Variants in GTPBP6 observed in about 807,000 individuals in gnomAD.
GTPBP6 encodes the protein putative GTP-binding protein 6.
In GTPBP6, 33 loss-of-function variants were observed where a neutral mutation model predicts 28.9. The ratio of observed to expected loss-of-function variants is 1.14; its 90% CI spans 0.87 to 1.53. The LOEUF (loss-of-function observed/expected upper bound fraction) is 1.53, where lower values mean the gene tolerates loss of function less well. GTPBP6 is among the 40% of genes most tolerant of loss of function. The pLI is 0.00. For synonymous variants in GTPBP6, 231 were observed against 192.7 expected (o/e 1.20, Z -1.65); for missense variants, 507 against 408.3 (o/e 1.24, Z -2.08).
intron 4 of GTPBP6, 46 bp downstream of exon 4, chrX:314,844 C>T (rs1419064241): frequency 5.0e-5 from 20 of 399,892 alleles, no homozygotes; most frequent in Middle Eastern, 6.3e-4. Context: ...GGAGGGGTTC[C>T]GGGAGTGGAC....
chrX:307,972 T>C lies in GTPBP6; in HGVS notation c.1126-92A>G, dbSNP rs1602954970. On this transcript the variant is annotated intron_variant, in intron 7 of 9. Coordinates refer to ENST00000326153, the Ensembl canonical transcript of GTPBP6. ...GCCCAGGAGAGGGGCTCACACGAGC[T>C]CCCAACGACAGGCTGGGCATGGGAG... 9.5e-6 allele frequency: 11 copies of C among 1,154,662 alleles called. No homozygotes were observed. The East Asian group carries it at 1.1e-4, about 12-fold the overall frequency. The allele number at this position is 1,154,662 out of a possible 1,614,324, so 71.5% of individuals were successfully genotyped here.
chrX:317,683 C>T (rs1274162170), intron 1 of GTPBP6, among the ~76,000 whole-genome samples: 3 of 68,058 alleles, frequency 4.4e-5, no homozygotes, highest in African/African-American at 1.9e-4. Context: ...CGAGAACCGC[C>T]CCGGCCCACC....
chrX:307,813 G>T, exon 8 of GTPBP6: 1 of 1,554,934 alleles, frequency 6.4e-7, no homozygotes. Flanking sequence ...ACGCAGCGTG[G>T]ACAGAACGCT....
intron 6 of GTPBP6, chrX:311,928 G>A (rs780302886): frequency 2.4e-4 from 139 of 586,144 alleles, no homozygotes; most frequent in Admixed American, 1.2e-3. Context: ...TTTGGCAATG[G>A]CGTAGATGGT....
intron 4 of GTPBP6, 138 bp from the exon 5 acceptor site, chrX:314,355 T>A: frequency 1.3e-6 from 1 of 748,600 alleles, no homozygotes; most frequent in Non-Finnish European, 2.4e-6. Context: ...CCGCTCCGCG[T>A]GTAGCTCACA....
At chrX:311,742 G>A in intron 6 of GTPBP6, 115 bp from the exon 7 acceptor site, 2 of 838,502 alleles carry the variant, frequency 2.4e-6, no homozygotes, top group Non-Finnish European at 3.9e-6. Context: ...CGCACCCCGG[G>A]CTACACGGTC....
In GTPBP6 at chrX:305,105, TAGGCTGAGTTGCTG is replaced by T; in HGVS notation, c.1506_1519del (p.Ser503ArgfsTer28). On this transcript the variant is annotated frameshift_variant, in exon 10 of 10. Transcript: ENST00000326153. LOFTEE classifies it high-confidence loss of function. Reference sequence around the variant, plus strand: ...TGGAAAGAGCTTCCGGAATTTGCCGTAGGCTGAGTTGCTGATGATGACCCTCACGTCGGCCGCCC... The same window carrying T: ...TGGAAAGAGCTTCCGGAATTTGCCGTATGATGACCCTCACGTCGGCCGCCC... 1 of 1,613,338 alleles carries T rather than the reference TAGGCTGAGTTGCTG, an allele frequency of 6.2e-7. No homozygotes were observed. The highest frequency in any genetic ancestry group is 8.5e-7 in the Non-Finnish European group (1 of 1,179,494).
Position 307,354 on chromosome X carries a change from G to T in GTPBP6, c.1427+6C>A, listed in dbSNP as rs370952393. 2 of 1,611,124 alleles carry T rather than the reference G, an allele frequency of 1.2e-6. No homozygotes were observed. Among genetic ancestry groups the T allele is most frequent in the Non-Finnish European group, 1.7e-6 (2 of 1,179,312 alleles). The stretch of plus-strand genomic sequence containing the variant: ...ATCCCGTCTCCTGCCCCTGCAGGCC[G>T]CTCACCTGAGCTGCGCCCCTGCGAG... On this transcript the variant is annotated splice_donor_region_variant and intron_variant, in intron 9 of 9. Coordinates refer to ENST00000326153, the Ensembl canonical transcript of GTPBP6.
chrX:312,982 G>C (rs2070345536), intron 5 of GTPBP6, 58 bp from the exon 6 acceptor site: 2 of 1,510,048 alleles, frequency 1.3e-6, no homozygotes, highest in African/African-American at 2.8e-5. Flanking sequence ...CACAAGTGCG[G>C]GCGGTGCCGC....
At chrX:316,171 G>GACAC (rs1254010873) in intron 2 of GTPBP6, among the ~76,000 whole-genome samples, 10 of 9,226 alleles carry the variant, frequency 1.1e-3, no homozygotes, top group Admixed American at 2.7e-3. Context: ...GACAGGGACA[G>GACAC]ACACACACAC....
chrX:314,279 GAGGTGA>G, intron 4 of GTPBP6, 62 bp from the exon 5 acceptor site: 5 of 1,386,984 alleles, frequency 3.6e-6, no homozygotes, highest in Non-Finnish European at 5.1e-6. Context: ...GGCAGAGGTC[GAGGTGA>G]AGGTGAAGGG....
chrX:307,787 C>T lies in GTPBP6; in HGVS notation c.1219G>A (p.Ala407Thr), dbSNP rs375570925. 50 of 1,540,576 alleles carry T rather than the reference C, an allele frequency of 3.2e-5. No individual in the cohort carries two copies. The African/African-American group carries it at 5.2e-4, about 16-fold the overall frequency. The change falls in exon 8 of 10, where the codon GCC (alanine) becomes ACC (threonine). Residue 407 changes from alanine to threonine, a missense_variant. By Grantham distance (58) the Ala-to-Thr change is moderately conservative (BLOSUM62 0). Transcript: ENST00000326153. ...TCCACCATGGAGTCCAGGAGCGGGGCGGGCAGCTGCAGGCCACGCAGCGTG... is the reference window on the plus strand; with the variant it reads ...TCCACCATGGAGTCCAGGAGCGGGGTGGGCAGCTGCAGGCCACGCAGCGTG...
intron 1 of GTPBP6, among the ~76,000 whole-genome samples, chrX:317,564 G>GGGGAT (rs1395144289): frequency 1.1e-5 from 1 of 94,556 alleles, no homozygotes; most frequent in African/African-American, 6.5e-5. Context: ...CTGGGGGGTG[G>GGGGAT]GGGGTGGGAC....
intron 9 of GTPBP6, 97 bp downstream of exon 9, chrX:307,263 T>C (rs1437689319): frequency 9.0e-7 from 1 of 1,114,670 alleles, no homozygotes; most frequent in Non-Finnish European, 1.3e-6. Flanking sequence ...CTCTCGGGGA[T>C]CTCACAGCTC....
rs755952415 is a variant in GTPBP6, at chrX:307,734, G to C, written c.1272C>G (p.Pro424=). 123 of 1,477,810 alleles carry C rather than the reference G, an allele frequency of 8.3e-5. 1 individual carries two copies. The highest frequency in any genetic ancestry group is 9.9e-5 in the Non-Finnish European group (110 of 1,113,628). The allele number at this position is 1,477,810 out of a possible 1,614,324, so 91.5% of individuals were successfully genotyped here. ...GCGGACCCCAGGGCCGGACTCACCCGGGCACGAGGTCCACCTTGTTGTGAA... is the reference window on the plus strand; with the variant it reads ...GCGGACCCCAGGGCCGGACTCACCCCGGCACGAGGTCCACCTTGTTGTGAA... Residue 424 remains proline, a splice_region_variant and synonymous_variant, in exon 8 of 10, where the codon CCC becomes CCG. Transcript: ENST00000326153.
intron 2 of GTPBP6, among the ~76,000 whole-genome samples, 171 bp from the exon 3 acceptor site, chrX:315,470 G>A (rs1349343085): frequency 1.3e-5 from 2 of 151,892 alleles, no homozygotes; most frequent in Non-Finnish European, 2.9e-5. Context: ...GAGGGGGTGT[G>A]TCTCTAGGAG....
At chrX:305,164 C>T in exon 10 of GTPBP6, 2 of 1,613,732 alleles carry the variant, frequency 1.2e-6, no homozygotes, top group Non-Finnish European at 1.7e-6. Context: ...GGATCACGTC[C>T]ACCTCCTGAA....
intron 2 of GTPBP6, among the ~76,000 whole-genome samples, chrX:316,643 A>G (rs1163607659): frequency 6.6e-6 from 1 of 152,038 alleles, no homozygotes; most frequent in African/African-American, 2.4e-5. Flanking sequence ...TCCACCGCCT[A>G]CCCTGTTTGT....
intron 4 of GTPBP6, 64 bp from the exon 5 acceptor site, chrX:314,281 G>T: frequency 7.7e-7 from 1 of 1,305,750 alleles, no homozygotes; most frequent in Non-Finnish European, 1.1e-6. Context: ...CAGAGGTCGA[G>T]GTGAAGGTGA....
Sources: gnomAD v4.1 joint callset for allele counts (sites outside exome capture counted in the v4.1 genomes callset) on GRCh38, gnomAD v4.1.1 for gene constraint, MANE v1.5 for transcripts, NCBI Gene and HGNC (gene_info 2026-07-23, HGNC 2026-07-21) for gene names.